Variants in GRIN2B observed in about 807,000 individuals in gnomAD.
The protein encoded by GRIN2B is glutamate receptor ionotropic, NMDA 2B.
In GRIN2B, 5 loss-of-function variants were observed where a neutral mutation model predicts 114.5. The observed-to-expected ratio is 0.04, with a 90% CI of 0.02 to 0.09. GRIN2B has a LOEUF of 0.09. GRIN2B is among the 10% of genes least tolerant of loss of function. The pLI is 1.00. For missense variants in GRIN2B, 1,108 were observed against 1,943.5 expected (o/e 0.57, Z 8.08); for synonymous variants, 787 against 745.1 (o/e 1.06, Z -0.92).
intron 3 of GRIN2B, among the ~76,000 whole-genome samples, chr12:13,789,798 T>C (rs1864287385): frequency 6.6e-6 from 1 of 152,182 alleles, no homozygotes; most frequent in Non-Finnish European, 1.5e-5. Context: ...CTGATATCAA[T>C]TGAAATTAAC....
chr12:13,958,854 C>T (rs774729941), intron 2 of GRIN2B, among the ~76,000 whole-genome samples: 100 of 152,076 alleles, frequency 6.6e-4, no homozygotes, highest in Middle Eastern at 3.2e-3. Context: ...CTTGAAGTCC[C>T]GCCTTGGCTT....
chr12:13,563,899 C>A lies in GRIN2B; in HGVS notation c.3339G>T (p.Pro1113=), dbSNP rs200660626. ...DEIELAYRRR[P]PRSPDHKRYF... Reference sequence around the variant, plus strand: ...AGCGCTTGTGGTCAGGGGAGCGGGGCGGTCGGCGACGGTAGGCCAGCTCGA... The same window carrying A: ...AGCGCTTGTGGTCAGGGGAGCGGGGAGGTCGGCGACGGTAGGCCAGCTCGA... Residue 1113 remains proline (P), a synonymous_variant, in exon 14 of 14, where the codon CCG becomes CCT. Transcript: ENST00000609686. 6 of 1,613,952 alleles carry A rather than the reference C, an allele frequency of 3.7e-6. No individual in the cohort carries two copies. The highest frequency in any genetic ancestry group is 3.3e-5 in the Admixed American group (2 of 59,996).
chr12:13,836,108 A>T (rs531394033), intron 3 of GRIN2B, among the ~76,000 whole-genome samples: 1 of 152,320 alleles, frequency 6.6e-6, no homozygotes, highest in Admixed American at 6.5e-5. Context: ...ATTTGTATGT[A>T]GTTAACCTGT....
chr12:13,798,987 T>C (rs1469258944), intron 3 of GRIN2B, among the ~76,000 whole-genome samples: 1 of 152,218 alleles, frequency 6.6e-6, no homozygotes, highest in Non-Finnish European at 1.5e-5. Context: ...AATTAATTAA[T>C]GTTAGTGTTT....
At chr12:13,942,853 C>G (rs1370819785) in intron 2 of GRIN2B, among the ~76,000 whole-genome samples, 1 of 152,152 alleles carries the variant, frequency 6.6e-6, no homozygotes, top group African/African-American at 2.4e-5. Flanking sequence ...AGACACAGCA[C>G]AATCTCATTA....
At chr12:13,872,550 C>T (rs1356328355) in intron 2 of GRIN2B, among the ~76,000 whole-genome samples, 2 of 151,794 alleles carry the variant, frequency 1.3e-5, no homozygotes, top group African/African-American at 4.8e-5. Context: ...ATCTGAAATG[C>T]AAGAATGGCT....
chr12:13,760,965 G>A (rs73053646), intron 3 of GRIN2B, among the ~76,000 whole-genome samples: 15,472 of 152,186 alleles, frequency 0.1, 1,019 homozygotes, highest in Non-Finnish European at 0.15. Context: ...AGAGTTTTGC[G>A]AACAGTGTCT....
intron 4 of GRIN2B, among the ~76,000 whole-genome samples, chr12:13,687,842 T>C (rs1950184949): frequency 6.6e-6 from 1 of 152,226 alleles, no homozygotes. Context: ...CTGACATTTT[T>C]CCCCTCTTCA....
intron 3 of GRIN2B, among the ~76,000 whole-genome samples, chr12:13,789,949 A>G (rs1170952392): frequency 3.3e-5 from 5 of 152,210 alleles, no homozygotes; most frequent in African/African-American, 9.7e-5. Context: ...AATTGGAAGT[A>G]GATTTTTACG....
chr12:13,537,699 C>T lies in GRIN2B; in HGVS notation c.*25084G>A, dbSNP rs1251952771. The T allele has an allele frequency of 6.6e-6, 1 of 152,220 alleles. No homozygotes were observed. The highest frequency in any genetic ancestry group is 6.5e-5 in the Admixed American group (1 of 15,274). The allele number at this position is 152,220 out of a possible 1,614,324, so 9.4% of individuals were successfully genotyped here. A position where few individuals can be genotyped will look rare whatever the true frequency, so the allele number is the denominator to read the frequency against. ...TAAAATCACCTGGGCAAGTTTTCAA[C>T]CCCTAACCCCTCCAGCCACCCAGGA... is the stretch of plus-strand genomic sequence containing the variant. On this transcript the variant is annotated 3_prime_UTR_variant, in exon 14 of 14. Coordinates refer to ENST00000609686, the MANE Select transcript of GRIN2B (RefSeq NM_000834.5).
intron 3 of GRIN2B, among the ~76,000 whole-genome samples, chr12:13,805,140 A>T (rs560360360): frequency 3.3e-5 from 5 of 152,294 alleles, no homozygotes; most frequent in East Asian, 3.9e-4. Flanking sequence ...CTTTTCAATC[A>T]TTGATTAGTT....
At chr12:13,710,212 A>T (rs1273517218) in intron 4 of GRIN2B, among the ~76,000 whole-genome samples, 1 of 152,082 alleles carries the variant, frequency 6.6e-6, no homozygotes, top group African/African-American at 2.4e-5. Context: ...AGTTCTAGGT[A>T]TTGATGGGAT....
chr12:13,907,100 C>A (rs1354589502), intron 2 of GRIN2B, among the ~76,000 whole-genome samples: 1 of 149,928 alleles, frequency 6.7e-6, no homozygotes, highest in East Asian at 2.0e-4. Context: ...TAAAATAATT[C>A]ATTCTAAATG....
intron 2 of GRIN2B, among the ~76,000 whole-genome samples, chr12:13,938,768 C>T (rs1436331854): frequency 6.6e-6 from 1 of 152,112 alleles, no homozygotes; most frequent in African/African-American, 2.4e-5. Flanking sequence ...AAGAGAACTT[C>T]CTTCGATGAT....
rs887589398 is a variant in GRIN2B, at chr12:13,562,879, G to T, written c.4359C>A (p.Asn1453Lys). Residue 1453 changes from asparagine (N) to lysine (K), a missense_variant, in exon 14 of 14, where the codon AAC (asparagine) becomes AAA (lysine). Transcript: ENST00000609686. ...GGTTTTTGTTGTTAGGCACACAGGG[G>T]TTGGACTGGTTCCCTATACAGATGT... The part of the protein sequence containing the change: ...QKDICIGNQS[N>K]PCVPNNKNPR... The T allele has an allele frequency of 3.7e-6, 6 of 1,613,994 alleles. No individual in the cohort carries two copies. The highest frequency in any genetic ancestry group is 1.3e-5 in the African/African-American group (1 of 74,938).
rs1203404983 is a variant in GRIN2B at position 13,617,401 on chromosome 12, T to C, written c.1126-744A>G. Among the ~76,000 whole-genome samples the C allele has an allele frequency of 2.6e-5, 4 of 152,330 alleles. No individual in the cohort carries two copies. In the East Asian group the frequency reaches 7.7e-4, roughly 29 times the overall value. ...ACACAGGCTGAGTGCCCCAACACCA[T>C]GGAGCACCATCCACATGGGCTCCAA... On this transcript the variant is annotated intron_variant, in intron 5 of 13. Transcript: ENST00000609686.
chr12:13,764,256 G>C (rs1306269311), intron 3 of GRIN2B, among the ~76,000 whole-genome samples: 1 of 150,556 alleles, frequency 6.6e-6, no homozygotes, highest in Admixed American at 6.6e-5. Context: ...ACACAGTCAA[G>C]AGACACTCTC....
intron 4 of GRIN2B, among the ~76,000 whole-genome samples, chr12:13,723,270 C>T (rs1862912725): frequency 6.6e-6 from 1 of 151,904 alleles, no homozygotes. Flanking sequence ...GGTATTTCTC[C>T]TAATGCTATC....
intron 3 of GRIN2B, among the ~76,000 whole-genome samples, chr12:13,831,961 G>A (rs759595281): frequency 6.6e-6 from 1 of 152,198 alleles, no homozygotes; most frequent in South Asian, 2.1e-4. Context: ...CCAAAATACA[G>A]GCTTCCATAT....
Sources: gnomAD v4.1 joint callset for allele counts (sites outside exome capture counted in the v4.1 genomes callset) on GRCh38, gnomAD v4.1.1 for gene constraint, MANE v1.5 for transcripts, NCBI Gene and HGNC (gene_info 2026-07-23, HGNC 2026-07-21) for gene names.